Variants in ARMC8 observed in about 807,000 individuals in gnomAD.
The protein encoded by ARMC8 is armadillo repeat containing 8.
A neutral mutation model predicts 99.3 loss-of-function variants in ARMC8; 20 were observed. The observed-to-expected ratio is 0.20, with a 90% confidence interval of 0.14 to 0.29. ARMC8 has a LOEUF of 0.29. ARMC8 is among the 10% of genes least tolerant of loss of function. ARMC8 has a pLI of 1.00. For missense variants in ARMC8, 569 were observed against 809.5 expected (o/e 0.70, Z 3.60); for synonymous variants, 263 against 278.3 (o/e 0.95, Z 0.55).
chr3:138,206,047 T>G (rs1320035770), intron 1 of ARMC8, among the ~76,000 whole-genome samples: 1 of 152,240 alleles, frequency 6.6e-6, no homozygotes, highest in Non-Finnish European at 1.5e-5. Context: ...ATTATTTCAA[T>G]ATATCTGTGT....
At chr3:138,206,446 A>G (rs1200212365) in intron 1 of ARMC8, among the ~76,000 whole-genome samples, 1 of 152,174 alleles carries the variant, frequency 6.6e-6, no homozygotes, top group Non-Finnish European at 1.5e-5. Context: ...TGCTCCAGCT[A>G]TAATGGCCTC....
In ARMC8 at chr3:138,235,077, A is replaced by C; in HGVS notation, c.572A>C (p.Gln191Pro). The change falls in exon 7 of 22, where the codon CAG becomes CCG. Residue 191 changes from glutamine to proline, a missense_variant. Gln to Pro is a moderately conservative substitution (Grantham distance 76). Around this residue, in one of 2 missense-constraint regions of ARMC8, gnomAD observed 342 missense variants for 391.6 expected, o/e 0.87. Coordinates refer to ENST00000469044, the MANE Select transcript of ARMC8 (RefSeq NM_001363941.2). Reference protein sequence around the residue: ...QTILFNHGAVQNIAHLLTSLS... With the variant: ...QTILFNHGAVPNIAHLLTSLS... ...ATTTTATTTAACCACGGTGCAGTTC[A>C]GAATATTGCTCACCTACTAACCTCA... 6.2e-7 allele frequency: 1 copy of C among 1,613,972 alleles called. No homozygotes were observed. The highest frequency in any genetic ancestry group is 8.5e-7 in the Non-Finnish European group (1 of 1,179,922).
At chr3:138,225,061 A>C (rs2045610258) in intron 5 of ARMC8, among the ~76,000 whole-genome samples, 1 of 147,772 alleles carries the variant, frequency 6.8e-6, no homozygotes. Context: ...AGAGAAGTGG[A>C]GAGGAAGGCA....
intron 1 of ARMC8, among the ~76,000 whole-genome samples, chr3:138,201,138 C>T (rs1296843363): frequency 6.6e-6 from 1 of 151,816 alleles, no homozygotes; most frequent in Non-Finnish European, 1.5e-5. Flanking sequence ...TCTTGAACTC[C>T]TGACCTCAGG....
rs987528213 is a variant in ARMC8, at chr3:138,187,333, G to T, written c.-222G>T. 2.0e-6 allele frequency: 1 copy of T among 506,560 alleles called. No homozygotes were observed. The highest frequency in any genetic ancestry group is 3.3e-5 in the East Asian group (1 of 30,188). 31.4% of individuals were successfully genotyped at this position (506,560 alleles called of 1,614,324 possible). A position where few individuals can be genotyped will look rare whatever the true frequency, so the allele number is the denominator to read the frequency against. ...CCTCTAACCCAGGCTCAGAGTAGCT[G>T]CTGTTTCTGAGAGAACGATTCGTAG... On this transcript the variant is annotated 5_prime_UTR_variant, in exon 1 of 22. Coordinates refer to ENST00000469044, the MANE Select transcript of ARMC8 (RefSeq NM_001363941.2).
chr3:138,276,859 G>A lies in ARMC8; in HGVS notation c.1725+2315G>A, dbSNP rs1015158739. ...ACAGTCCCAAGCACAATCACAGCAT[G>A]TTTGTTTATAAATATTACTATAGAT... On this transcript the variant is annotated intron_variant, in intron 18 of 21. Coordinates refer to ENST00000469044, the MANE Select transcript of ARMC8 (RefSeq NM_001363941.2). 2.4e-4 allele frequency among the ~76,000 whole-genome samples: 36 copies of A among 152,140 alleles called. 2 individuals carry two copies. The highest frequency in any genetic ancestry group is 2.4e-3 in the Admixed American group (36 of 15,278).
At chr3:138,189,734 T>C (rs918229584) in intron 1 of ARMC8, among the ~76,000 whole-genome samples, 1 of 152,228 alleles carries the variant, frequency 6.6e-6, no homozygotes, top group Non-Finnish European at 1.5e-5. Context: ...GAAATCTCAT[T>C]GATTTTCCTG....
At chr3:138,229,962 C>T (rs1411158541) in intron 6 of ARMC8, among the ~76,000 whole-genome samples, 4 of 152,102 alleles carry the variant, frequency 2.6e-5, no homozygotes, top group Admixed American at 1.3e-4. Flanking sequence ...TTTAGAACAG[C>T]CTTCCAAATA....
At chr3:138,194,732 T>G (rs2043614018) in intron 1 of ARMC8, among the ~76,000 whole-genome samples, 1 of 152,142 alleles carries the variant, frequency 6.6e-6, no homozygotes, top group African/African-American at 2.4e-5. Context: ...TCTCTACAGT[T>G]ATAAGCATAT....
intron 7 of ARMC8, 117 bp downstream of exon 7, chr3:138,235,231 TAA>T: frequency 1.4e-6 from 1 of 709,592 alleles, no homozygotes. Flanking sequence ...ATTTTATCAG[TAA>T]AATGTTATAG....
At chr3:138,276,477 A>G (rs1403751657) in intron 18 of ARMC8, among the ~76,000 whole-genome samples, 1 of 152,210 alleles carries the variant, frequency 6.6e-6, no homozygotes, top group Non-Finnish European at 1.5e-5. Flanking sequence ...ACAAGAAGGC[A>G]AGAAAAAGAA....
intron 1 of ARMC8, among the ~76,000 whole-genome samples, chr3:138,201,661 A>T (rs1009583768): frequency 6.6e-6 from 1 of 151,524 alleles, no homozygotes; most frequent in Non-Finnish European, 1.5e-5. Context: ...GTGTTTCACC[A>T]TGTTGGTCAG....
intron 2 of ARMC8, among the ~76,000 whole-genome samples, chr3:138,212,508 C>A (rs2044757592): frequency 1.3e-5 from 2 of 152,024 alleles, no homozygotes; most frequent in African/African-American, 4.8e-5. Context: ...GAGGTTTCTC[C>A]ATGTTGGTCA....
intron 5 of ARMC8, among the ~76,000 whole-genome samples, chr3:138,227,421 C>A (rs955910835): frequency 3.9e-5 from 6 of 152,234 alleles, no homozygotes; most frequent in African/African-American, 1.4e-4. Flanking sequence ...AGTGAAACCC[C>A]ATTTCCCCTT....
intron 12 of ARMC8, among the ~76,000 whole-genome samples, chr3:138,250,441 T>A (rs1256087805): frequency 6.6e-6 from 1 of 152,182 alleles, no homozygotes; most frequent in Non-Finnish European, 1.5e-5. Flanking sequence ...AAAACTTTAT[T>A]CCAGTAAAAG....
chr3:138,274,136 T>C (rs1282280364), intron 17 of ARMC8, among the ~76,000 whole-genome samples: 3 of 152,018 alleles, frequency 2.0e-5, no homozygotes, highest in African/African-American at 7.2e-5. Context: ...CCTTTTTCTT[T>C]AATATATTTG....
chr3:138,195,373 T>C (rs185721315), intron 1 of ARMC8, among the ~76,000 whole-genome samples: 4,027 of 152,138 alleles, frequency 0.026, 70 homozygotes, highest in Middle Eastern at 0.051. Flanking sequence ...TTAATGGCAG[T>C]GTGTGAAAAA....
intron 2 of ARMC8, among the ~76,000 whole-genome samples, chr3:138,215,273 A>G (rs150010333): frequency 1.2e-3 from 186 of 151,926 alleles, no homozygotes; most frequent in African/African-American, 4.2e-3. Flanking sequence ...CTGGAGTGCA[A>G]TGGCGTGGTC....
chr3:138,252,738 G>GCCCCC (rs1348787471), intron 12 of ARMC8, among the ~76,000 whole-genome samples: 4 of 3,494 alleles, frequency 1.1e-3, no homozygotes, highest in Non-Finnish European at 3.4e-3. Flanking sequence ...ACAGGCGTGA[G>GCCCCC]CCACCCCGCC....
Sources: allele counts gnomAD v4.1 joint callset (sites outside exome capture counted in the v4.1 genomes callset), GRCh38; gene constraint gnomAD v4.1.1; regional missense constraint gnomAD v4.1.1; transcripts MANE v1.5; gene names NCBI Gene and HGNC (gene_info 2026-07-23, HGNC 2026-07-21).